Variants in ABRAXAS1 observed in about 807,000 individuals in gnomAD.
ABRAXAS1 encodes abraxas 1, BRCA1 A complex subunit.
Under a neutral mutation model 38.4 loss-of-function variants are expected in ABRAXAS1, and 26 were observed. The observed-to-expected ratio is 0.68, with a 90% CI of 0.50 to 0.94. ABRAXAS1 has a LOEUF of 0.94. Ranked by LOEUF, ABRAXAS1 falls within the 40% of genes least tolerant of loss-of-function variation. The pLI is 0.00. For missense variants in ABRAXAS1, 438 were observed against 481.9 expected (o/e 0.91, Z 0.85); for synonymous variants, 144 against 165.5 (o/e 0.87, Z 1.00).
At chr4:83,470,525 A>G in intron 4 of ABRAXAS1, 129 bp from the exon 5 acceptor site, 2 of 599,952 alleles carry the variant, frequency 3.3e-6, no homozygotes, top group Non-Finnish European at 5.6e-6. Flanking sequence ...GGCATATATA[A>G]ACAAAGAATA....
At chr4:83,471,191 C>CTTTTTTTTTTTTTTT (rs869128932) in intron 4 of ABRAXAS1, among the ~76,000 whole-genome samples, 3 of 58,170 alleles carry the variant, frequency 5.2e-5, no homozygotes, top group Non-Finnish European at 7.6e-5. Flanking sequence ...AAAGAAACAT[C>CTTTTTTTTTTTTTTT]TTTTTTTTTT....
chr4:83,481,922 G>T (rs1723011406), intron 2 of ABRAXAS1, among the ~76,000 whole-genome samples: 1 of 151,898 alleles, frequency 6.6e-6, no homozygotes, highest in South Asian at 2.1e-4. Flanking sequence ...GCTAATTTTT[G>T]TATTTTTAGT....
chr4:83,463,695 T>C (rs1340995444), intron 7 of ABRAXAS1, 87 bp from the exon 8 acceptor site: 1 of 661,226 alleles, frequency 1.5e-6, no homozygotes, highest in East Asian at 3.0e-5. Flanking sequence ...ATAAAATCAT[T>C]GGTGGTATAT....
chr4:83,484,889 G>A (rs959757524), intron 1 of ABRAXAS1, 97 bp downstream of exon 1: 5 of 1,028,012 alleles, frequency 4.9e-6, no homozygotes, highest in African/African-American at 1.7e-5. Flanking sequence ...CGGCGGCGTC[G>A]GGGGAGCGGG....
At position 83,459,883 on chromosome 4, in the gene ABRAXAS1, A is replaced by C. The variant is rs375151433; in HGVS notation, c.*2586T>G. On this transcript the variant is annotated 3_prime_UTR_variant, in exon 9 of 9. Transcript: ENST00000321945. ...ATCATTTAAGAAAACTCAAATTTTC[A>C]AATTGTGCTATAAATTACTACTAGA... 2.2e-6 allele frequency: 1 copy of C among 451,512 alleles called. No homozygotes were observed. The highest frequency in any genetic ancestry group is 4.5e-5 in the South Asian group (1 of 22,014). 28.0% of individuals were successfully genotyped at this position (451,512 alleles called of 1,614,324 possible).
At chr4:83,472,393 ATACC>A in intron 3 of ABRAXAS1, 105 bp from the exon 4 acceptor site, 1 of 557,682 alleles carries the variant, frequency 1.8e-6, no homozygotes, top group Non-Finnish European at 3.0e-6. Flanking sequence ...CAAAGCCCAT[ATACC>A]TATTTGCCTG....
rs1409755971 is a variant in ABRAXAS1 at position 83,484,164 on chromosome 4, G to A, written c.87+822C>T. 5 of 982,888 alleles carry A rather than the reference G, an allele frequency of 5.1e-6. No individual in the cohort carries two copies. In the African/African-American group the frequency reaches 7.0e-5, roughly 14 times the overall value. 60.9% of individuals were successfully genotyped at this position (982,888 alleles called of 1,614,324 possible). ...ATTACAGGCGTGAGCCACCGCGCCCGACCTATATTAAGGCAATTTTGAGTA... is the reference window on the plus strand; with the variant it reads ...ATTACAGGCGTGAGCCACCGCGCCCAACCTATATTAAGGCAATTTTGAGTA... On this transcript the variant is annotated intron_variant, in intron 1 of 8. Coordinates refer to ENST00000321945, the MANE Select transcript of ABRAXAS1 (RefSeq NM_139076.3).
chr4:83,464,304 G>A (rs577525428), intron 7 of ABRAXAS1, among the ~76,000 whole-genome samples: 14 of 152,308 alleles, frequency 9.2e-5, no homozygotes, highest in African/African-American at 2.6e-4. Context: ...TTACTATTAC[G>A]AAAGGATACT....
chr4:83,469,994 G>T, intron 5 of ABRAXAS1: 1 of 416,866 alleles, frequency 2.4e-6, no homozygotes, highest in Non-Finnish European at 4.2e-6. Context: ...CAGAATACAA[G>T]TCATCATTCC....
At chr4:83,469,336 CAG>C in intron 5 of ABRAXAS1, 185 bp from the exon 6 acceptor site, 1 of 546,558 alleles carries the variant, frequency 1.8e-6, no homozygotes, top group Non-Finnish European at 3.2e-6. Context: ...TTTTTTGAGA[CAG>C]GGTCTCACTC....
Position 83,461,390 on chromosome 4 carries a change from T to A in ABRAXAS1, c.*1079A>T. On this transcript the variant is annotated 3_prime_UTR_variant, in exon 9 of 9. Coordinates refer to ENST00000321945, the MANE Select transcript of ABRAXAS1 (RefSeq NM_139076.3). ...TAACACTCATCACATTTTATCTATG[T>A]TGAATAAAAGTGGTTCTGTGTGATT... The A allele has an allele frequency of 1.8e-6, 1 of 559,094 alleles. No homozygotes were observed. The highest frequency in any genetic ancestry group is 3.2e-6 in the Non-Finnish European group (1 of 311,580). The allele number at this position is 559,094 out of a possible 1,614,324, so 34.6% of individuals were successfully genotyped here. A position where few individuals can be genotyped will look rare whatever the true frequency, so the allele number is the denominator to read the frequency against.
chr4:83,460,911 A>T lies in ABRAXAS1; in HGVS notation c.*1558T>A. 1 of 1,507,534 alleles carries T rather than the reference A, an allele frequency of 6.6e-7. No individual in the cohort carries two copies. Among genetic ancestry groups the T allele is most frequent in the Non-Finnish European group, 9.1e-7 (1 of 1,104,406 alleles). 93.4% of individuals were successfully genotyped at this position (1,507,534 alleles called of 1,614,324 possible). On this transcript the variant is annotated 3_prime_UTR_variant, in exon 9 of 9. Coordinates refer to ENST00000321945, the MANE Select transcript of ABRAXAS1 (RefSeq NM_139076.3). Reference sequence around the variant, plus strand: ...ACACAGGGAGACTCCATCTCAAAAAAAAAAATTGCAAACTTTAAATATTGA... The same window carrying T: ...ACACAGGGAGACTCCATCTCAAAAATAAAAATTGCAAACTTTAAATATTGA...
intron 7 of ABRAXAS1, 94 bp from the exon 8 acceptor site, chr4:83,463,702 A>G (rs1722237980): frequency 1.7e-6 from 1 of 589,588 alleles, no homozygotes; most frequent in South Asian, 3.7e-5. Context: ...CATTGGTGGT[A>G]TATAATACCC....
At chr4:83,482,596 C>T (rs903871882) in intron 1 of ABRAXAS1, among the ~76,000 whole-genome samples, 2 of 152,130 alleles carry the variant, frequency 1.3e-5, no homozygotes, top group African/African-American at 2.4e-5. Context: ...CCTGTAGTCC[C>T]AGCTACTTGG....
At chr4:83,470,924 T>C (rs1382892749) in intron 4 of ABRAXAS1, among the ~76,000 whole-genome samples, 1 of 152,198 alleles carries the variant, frequency 6.6e-6, no homozygotes, top group African/African-American at 2.4e-5. Flanking sequence ...TACAACATAC[T>C]AAGCAAATGT....
rs139783404 is a variant in ABRAXAS1 at position 83,466,660 on chromosome 4, C to T, written c.681+794G>A. ...ACGCCATTCTCCTGCCTCAGCCACC[C>T]GAGTAGCTGGGACTACAGGCGCCCA... On this transcript the variant is annotated intron_variant, in intron 7 of 8. Transcript: ENST00000321945. Among the ~76,000 whole-genome samples the T allele has an allele frequency of 5.3e-5, 8 of 152,186 alleles. No homozygotes were observed. The East Asian group carries it at 7.7e-4, about 15-fold the overall frequency.
chr4:83,462,017 T>A lies in ABRAXAS1; in HGVS notation c.*452A>T. On this transcript the variant is annotated 3_prime_UTR_variant, in exon 9 of 9. Transcript: ENST00000321945. Reference sequence around the variant, plus strand: ...TTAATGACTCAGATAAATTTTCATATAAATTTCTTTCCATATTTTGAAAAT... The same window carrying A: ...TTAATGACTCAGATAAATTTTCATAAAAATTTCTTTCCATATTTTGAAAAT... 1 of 228,530 alleles carries A rather than the reference T, an allele frequency of 4.4e-6. No homozygotes were observed. Among genetic ancestry groups the A allele is most frequent in the Non-Finnish European group, 8.7e-6 (1 of 115,140 alleles). The allele number at this position is 228,530 out of a possible 1,614,324, so 14.2% of individuals were successfully genotyped here. A position where few individuals can be genotyped will look rare whatever the true frequency, so the allele number is the denominator to read the frequency against.
rs528867473 is a variant in ABRAXAS1, at chr4:83,484,358, C to T, written c.87+628G>A. On this transcript the variant is annotated intron_variant, in intron 1 of 8. Coordinates refer to ENST00000321945, the MANE Select transcript of ABRAXAS1 (RefSeq NM_139076.3). Reference sequence around the variant, plus strand: ...GGACATTAACTACTTCCGAGCTCAACGTTTTACAGCGTTTCTTTAATTTCA... The same window carrying T: ...GGACATTAACTACTTCCGAGCTCAATGTTTTACAGCGTTTCTTTAATTTCA... Among the ~76,000 whole-genome samples, 13 of 152,320 alleles carry T rather than the reference C, an allele frequency of 8.5e-5. No individual in the cohort carries two copies. In the South Asian group the frequency reaches 2.7e-3, roughly 32 times the overall value.
chr4:83,474,495 C>T lies in ABRAXAS1; in HGVS notation c.215+2148G>A, dbSNP rs903507423. Among the ~76,000 whole-genome samples the T allele has an allele frequency of 5.3e-5, 8 of 151,950 alleles. No homozygotes were observed. The East Asian group carries it at 5.8e-4, about 11-fold the overall frequency. On this transcript the variant is annotated intron_variant, in intron 3 of 8. Transcript: ENST00000321945. ...CTGGGAGGCCACAGTGGGTGGATCA[C>T]GAGGTCAAGAGATCAAGACCATCCT...
Sources: gnomAD v4.1 joint callset for allele counts (sites outside exome capture counted in the v4.1 genomes callset) on GRCh38, gnomAD v4.1.1 for gene constraint, MANE v1.5 for transcripts, NCBI Gene and HGNC (gene_info 2026-07-23, HGNC 2026-07-21) for gene names.